The following WDFY2 variants were observed in gnomAD, a reference collection of about 807,000 sequenced individuals.
WDFY2 encodes the protein WD repeat and FYVE domain containing 2.
Under a neutral mutation model 56.4 loss-of-function variants are expected in WDFY2, and 36 were observed. The ratio of observed to expected loss-of-function variants is 0.64; its 90% CI spans 0.49 to 0.84. The LOEUF is 0.84. Ranked by LOEUF, WDFY2 falls within the 40% of genes least tolerant of loss-of-function variation. The pLI is 0.00. For synonymous variants in WDFY2, 176 were observed against 183.7 expected (o/e 0.96, Z 0.34); for missense variants, 444 against 512.2 (o/e 0.87, Z 1.29).
chr13:51,660,515 A>G (rs1955592349), intron 1 of WDFY2, 81 bp from the exon 2 acceptor site: 1 of 1,391,120 alleles, frequency 7.2e-7, no homozygotes, highest in Non-Finnish European at 1.0e-6. Flanking sequence ...TATAATATTA[A>G]GAGATTTGTT....
chr13:51,727,446 T>G (rs548109734), intron 5 of WDFY2, among the ~76,000 whole-genome samples: 1 of 152,094 alleles, frequency 6.6e-6, no homozygotes, highest in South Asian at 2.1e-4. Context: ...AATATATAGA[T>G]TTATTTTATT....
intron 3 of WDFY2, among the ~76,000 whole-genome samples, chr13:51,679,126 C>T (rs1318860311): frequency 1.3e-5 from 2 of 152,094 alleles, no homozygotes; most frequent in Admixed American, 6.5e-5. Flanking sequence ...CATTATGTAA[C>T]GTAAAGGTAC....
intron 4 of WDFY2, among the ~76,000 whole-genome samples, chr13:51,718,088 G>C (rs1479878642): frequency 6.6e-6 from 1 of 152,222 alleles, no homozygotes; most frequent in Non-Finnish European, 1.5e-5. Flanking sequence ...ATTGTCAGCA[G>C]AGCCGCATTT....
At chr13:51,593,230 A>G (rs1297745508) in intron 1 of WDFY2, among the ~76,000 whole-genome samples, 1 of 152,154 alleles carries the variant, frequency 6.6e-6, no homozygotes, top group Admixed American at 6.5e-5. Flanking sequence ...ATTATACTGT[A>G]TATACTTGGC....
chr13:51,640,357 C>T lies in WDFY2; in HGVS notation c.138-20239C>T, dbSNP rs78072024. ...CAACACACAGAAATAGCAATATATC[C>T]GTCATGCAGCTTTAGTTATCAACCT... On this transcript the variant is annotated intron_variant, in intron 1 of 11. Coordinates refer to ENST00000298125, the MANE Select transcript of WDFY2 (RefSeq NM_052950.4). 5.0e-3 allele frequency among the ~76,000 whole-genome samples: 754 copies of T among 152,256 alleles called. 6 individuals carry two copies. Among genetic ancestry groups the T allele is most frequent in the African/African-American group, 0.014 (590 of 41,534 alleles).
At chr13:51,638,179 A>C (rs953881577) in intron 1 of WDFY2, among the ~76,000 whole-genome samples, 1 of 152,230 alleles carries the variant, frequency 6.6e-6, no homozygotes, top group Non-Finnish European at 1.5e-5. Context: ...GTGGTCCTCA[A>C]ATCTTTGAAG....
intron 8 of WDFY2, among the ~76,000 whole-genome samples, chr13:51,753,773 CTGTG>C (rs377762638): frequency 8.1e-4 from 123 of 151,436 alleles, no homozygotes; most frequent in Middle Eastern, 6.8e-3. Flanking sequence ...GTATGTGTGT[CTGTG>C]TGTGTGTTTT....
chr13:51,758,644 C>T (rs1257483220), intron 11 of WDFY2, among the ~76,000 whole-genome samples: 3 of 151,980 alleles, frequency 2.0e-5, no homozygotes, highest in Non-Finnish European at 4.4e-5. Flanking sequence ...ATCCCAGGCA[C>T]TGGCTCTACA....
At chr13:51,665,610 A>G (rs1460234183) in intron 2 of WDFY2, among the ~76,000 whole-genome samples, 1 of 152,170 alleles carries the variant, frequency 6.6e-6, no homozygotes, top group Non-Finnish European at 1.5e-5. Flanking sequence ...GTTGGTGGAA[A>G]GAGTTGGAGA....
rs1953665203 is a variant in WDFY2 at position 51,763,860 on chromosome 13, GT to G, written c.*4096del. The G allele has an allele frequency of 1.3e-5, 2 of 152,148 alleles. No individual in the cohort carries two copies. Among genetic ancestry groups the G allele is most frequent in the Admixed American group, 1.3e-4 (2 of 15,288 alleles). 9.4% of individuals were successfully genotyped at this position (152,148 alleles called of 1,614,324 possible). On this transcript the variant is annotated 3_prime_UTR_variant, in exon 12 of 12. Transcript: ENST00000298125. Reference sequence around the variant, plus strand: ...ATCACTTCTTAAGGCCCAAATTTTTGTTTTTAAGCAAAAGGATAGCTCTAAG... The same window carrying G: ...ATCACTTCTTAAGGCCCAAATTTTTGTTTTAAGCAAAAGGATAGCTCTAAG...
At chr13:51,614,099 T>C (rs1442071888) in intron 1 of WDFY2, among the ~76,000 whole-genome samples, 1 of 147,876 alleles carries the variant, frequency 6.8e-6, no homozygotes, top group African/African-American at 2.5e-5. Context: ...GGCAGGAGAA[T>C]CGCTTGAACC....
chr13:51,606,765 T>G (rs890712174), intron 1 of WDFY2, among the ~76,000 whole-genome samples: 2 of 152,128 alleles, frequency 1.3e-5, no homozygotes, highest in Non-Finnish European at 2.9e-5. Flanking sequence ...ATTTATTTTA[T>G]ATAGTAAAAT....
chr13:51,725,816 C>G (rs1952592097), intron 5 of WDFY2, among the ~76,000 whole-genome samples: 1 of 151,882 alleles, frequency 6.6e-6, no homozygotes, highest in African/African-American at 2.4e-5. Context: ...GTGTCAGCCT[C>G]CCATGTAGCT....
intron 5 of WDFY2, among the ~76,000 whole-genome samples, chr13:51,720,765 C>T (rs1187540677): frequency 6.6e-6 from 1 of 152,178 alleles, no homozygotes; most frequent in African/African-American, 2.4e-5. Context: ...CACTCGCTTC[C>T]TGCTTCGTAG....
At chr13:51,737,337 A>G (rs557936916) in intron 6 of WDFY2, among the ~76,000 whole-genome samples, 1 of 152,164 alleles carries the variant, frequency 6.6e-6, no homozygotes, top group Admixed American at 6.5e-5. Flanking sequence ...AATAGATGTC[A>G]TATGCCTGTT....
At chr13:51,725,515 T>C (rs942101309) in intron 5 of WDFY2, among the ~76,000 whole-genome samples, 75 of 152,212 alleles carry the variant, frequency 4.9e-4, no homozygotes, top group South Asian at 3.5e-3. Flanking sequence ...AAGTGAGACA[T>C]TGAAACATTG....
At chr13:51,668,475 T>C (rs370151698) in intron 2 of WDFY2, among the ~76,000 whole-genome samples, 9 of 152,202 alleles carry the variant, frequency 5.9e-5, no homozygotes, top group African/African-American at 1.9e-4. Context: ...AAAATACTTT[T>C]TAGTGCTAGA....
At chr13:51,719,396 T>C (rs912097) in intron 5 of WDFY2, 48 bp downstream of exon 5, 1,500,177 of 1,516,316 alleles carry the variant, frequency 0.99, 743,222 homozygotes, top group East Asian at 1. Context: ...TAACTGTTGT[T>C]CTCTTTGATT....
chr13:51,655,056 G>C (rs1018645256), intron 1 of WDFY2, among the ~76,000 whole-genome samples: 6 of 152,134 alleles, frequency 3.9e-5, no homozygotes, highest in Admixed American at 6.5e-5. Flanking sequence ...CTTGCACCTT[G>C]TAACTTGGCT....
Sources: gnomAD v4.1 joint callset for allele counts (sites outside exome capture counted in the v4.1 genomes callset) on GRCh38, gnomAD v4.1.1 for gene constraint, MANE v1.5 for transcripts, NCBI Gene and HGNC (gene_info 2026-07-23, HGNC 2026-07-21) for gene names.